GPBP1: variants seen among roughly 807,000 people sequenced by gnomAD.
The protein encoded by GPBP1 is GC-rich promoter binding protein 1.
Under a neutral mutation model 56.5 loss-of-function variants are expected in GPBP1, and 13 were observed. The observed-to-expected ratio is 0.23, with a 90% CI of 0.15 to 0.37. GPBP1 has a LOEUF of 0.37. GPBP1 is among the 10% of genes least tolerant of loss of function. The pLI, the probability that GPBP1 is intolerant of heterozygous loss-of-function variation, is 1.00. For synonymous variants in GPBP1, 204 were observed against 188.9 expected (o/e 1.08, Z -0.66); for missense variants, 477 against 572.3 (o/e 0.83, Z 1.70).
At chr5:57,182,299 G>A (rs1754084622) in intron 2 of GPBP1, among the ~76,000 whole-genome samples, 1 of 151,970 alleles carries the variant, frequency 6.6e-6, no homozygotes, top group Non-Finnish European at 1.5e-5. Context: ...GACCAGGCTG[G>A]TCTTGAACTC....
intron 6 of GPBP1, among the ~76,000 whole-genome samples, chr5:57,244,641 G>A (rs1740997256): frequency 6.7e-6 from 1 of 150,266 alleles, no homozygotes; most frequent in Non-Finnish European, 1.5e-5. Flanking sequence ...CTTCATCCAT[G>A]CCATTATCAT....
At chr5:57,245,632 G>A (rs1741055069) in intron 6 of GPBP1, 1 of 152,140 alleles carries the variant, frequency 6.6e-6, no homozygotes, top group Non-Finnish European at 1.5e-5. Context: ...GGAATAATAG[G>A]TATTTTTGGC....
chr5:57,253,681 G>T (rs1173952231), intron 10 of GPBP1, among the ~76,000 whole-genome samples: 1 of 152,044 alleles, frequency 6.6e-6, no homozygotes, highest in African/African-American at 2.4e-5. Context: ...TAGTTTTTTT[G>T]AGGAATATTT....
chr5:57,196,603 T>C (rs931812228), intron 2 of GPBP1, among the ~76,000 whole-genome samples: 5 of 152,082 alleles, frequency 3.3e-5, no homozygotes, highest in Non-Finnish European at 5.9e-5. Flanking sequence ...ATTTATTTAT[T>C]TTTGGAGACA....
chr5:57,249,743 G>C, intron 9 of GPBP1, among the ~76,000 whole-genome samples, 167 bp downstream of exon 9: 1 of 109,414 alleles, frequency 9.1e-6, no homozygotes, highest in African/African-American at 3.6e-5. Flanking sequence ...TCCTTTTCTC[G>C]CCTCCCCCCT....
At chr5:57,197,291 A>G (rs1430040447) in intron 2 of GPBP1, among the ~76,000 whole-genome samples, 7 of 151,610 alleles carry the variant, frequency 4.6e-5, no homozygotes, top group African/African-American at 1.5e-4. Context: ...CTTTATTTCC[A>G]TGCTCAGAGC....
At chr5:57,221,633 A>G (rs1276932858) in intron 3 of GPBP1, among the ~76,000 whole-genome samples, 1 of 152,354 alleles carries the variant, frequency 6.6e-6, no homozygotes, top group Non-Finnish European at 1.5e-5. Flanking sequence ...GAACTTTACT[A>G]TGATGAATAC....
At chr5:57,187,886 GATATAT>G in intron 2 of GPBP1, among the ~76,000 whole-genome samples, 1 of 149,020 alleles carries the variant, frequency 6.7e-6, no homozygotes, top group Middle Eastern at 3.5e-3. Context: ...GCAGAAACCA[GATATAT>G]ATATATATAT....
At chr5:57,253,088 G>GTTTAGTCTTAGAATTGAAGA (rs1741469969) in intron 10 of GPBP1, among the ~76,000 whole-genome samples, 1 of 152,146 alleles carries the variant, frequency 6.6e-6, no homozygotes, top group Non-Finnish European at 1.5e-5. Context: ...CTCTTAAGTG[G>GTTTAGTCTTAGAATTGAAGA]TTTAGTCTTA....
At chr5:57,229,125 C>T (rs573301431) in intron 3 of GPBP1, among the ~76,000 whole-genome samples, 2 of 150,056 alleles carry the variant, frequency 1.3e-5, no homozygotes, top group South Asian at 2.1e-4. Context: ...CAGCTGCTCA[C>T]GAGGCTGAGG....
chr5:57,202,339 G>A (rs1305116851), intron 2 of GPBP1, among the ~76,000 whole-genome samples: 1 of 152,126 alleles, frequency 6.6e-6, no homozygotes, highest in Non-Finnish European at 1.5e-5. Flanking sequence ...CCAGGCTGGA[G>A]TGCAAATGGC....
intron 6 of GPBP1, among the ~76,000 whole-genome samples, chr5:57,242,524 T>C (rs1025950125): frequency 1.2e-4 from 18 of 152,188 alleles, no homozygotes; most frequent in Admixed American, 6.5e-5. Flanking sequence ...GTCAGAGTCT[T>C]GCCCTCTCCC....
chr5:57,227,126 G>A (rs1756232644), intron 3 of GPBP1, among the ~76,000 whole-genome samples: 1 of 152,004 alleles, frequency 6.6e-6, no homozygotes, highest in Non-Finnish European at 1.5e-5. Context: ...AATCTTGGCT[G>A]ACCGCAACCT....
At chr5:57,226,906 AT>A (rs1464772802) in intron 3 of GPBP1, among the ~76,000 whole-genome samples, 1 of 151,332 alleles carries the variant, frequency 6.6e-6, no homozygotes, top group South Asian at 2.1e-4. Context: ...CGCCTGACTA[AT>A]TTTTTGTATT....
chr5:57,185,409 T>C (rs1754243796), intron 2 of GPBP1, among the ~76,000 whole-genome samples: 2 of 152,102 alleles, frequency 1.3e-5, no homozygotes, highest in African/African-American at 4.8e-5. Context: ...TACAGGCACA[T>C]GCCACAATGC....
At chr5:57,255,048 A>G (rs898581113) in intron 10 of GPBP1, among the ~76,000 whole-genome samples, 2 of 152,304 alleles carry the variant, frequency 1.3e-5, no homozygotes, top group South Asian at 2.1e-4. Context: ...ACATAAACAG[A>G]TATTTCAGAA....
chr5:57,215,173 T>G (rs1324249185), intron 3 of GPBP1, among the ~76,000 whole-genome samples: 1 of 152,264 alleles, frequency 6.6e-6, no homozygotes, highest in Non-Finnish European at 1.5e-5. Flanking sequence ...ATGATGTACT[T>G]CAGTTTGCAG....
chr5:57,175,278 T>A (rs1050881003), intron 1 of GPBP1, among the ~76,000 whole-genome samples, 170 bp from the exon 2 acceptor site: 4 of 152,184 alleles, frequency 2.6e-5, no homozygotes, highest in Admixed American at 1.3e-4. Context: ...TCTTGTTCAT[T>A]CAGTAGACTT....
chr5:57,261,308 TCA>T, intron 11 of GPBP1, 26 bp downstream of exon 11: 1 of 1,324,606 alleles, frequency 7.5e-7, no homozygotes, highest in Non-Finnish European at 1.1e-6. Context: ...TCATACAACT[TCA>T]CTTTTAAACT....
Sources: gnomAD v4.1 joint callset for allele counts (sites outside exome capture counted in the v4.1 genomes callset) on GRCh38, gnomAD v4.1.1 for gene constraint, MANE v1.5 for transcripts, NCBI Gene and HGNC (gene_info 2026-07-23, HGNC 2026-07-21) for gene names.